The following TMEM130 variants were observed in gnomAD, a reference collection of about 807,000 sequenced individuals.
TMEM130 encodes transmembrane protein 130.
TMEM130 carries 37 observed loss-of-function variants against 42.9 expected under a neutral mutation model. The observed-to-expected ratio is 0.86, with a 90% CI of 0.66 to 1.13. The LOEUF is 1.13. Ranked by LOEUF, TMEM130 falls within the 50% of genes most tolerant of loss-of-function variation. TMEM130 has a pLI of 0.00. For synonymous variants in TMEM130, 259 were observed against 237.7 expected (o/e 1.09, Z -0.82); for missense variants, 545 against 562.6 (o/e 0.97, Z 0.32).
intron 5 of TMEM130, among the ~76,000 whole-genome samples, chr7:98,853,033 A>G (rs1034180505): frequency 6.6e-6 from 1 of 152,216 alleles, no homozygotes; most frequent in Non-Finnish European, 1.5e-5. Context: ...TTCCACAAGC[A>G]TAGGCTCAGA....
At chr7:98,861,159 C>G (rs1282814423) in intron 2 of TMEM130, among the ~76,000 whole-genome samples, 1 of 150,824 alleles carries the variant, frequency 6.6e-6, no homozygotes, top group Non-Finnish European at 1.5e-5. Context: ...ACAGTGAAAC[C>G]CTGTCTCTAT....
At chr7:98,850,526 A>G (rs1554398051) in intron 6 of TMEM130, among the ~76,000 whole-genome samples, 1 of 150,412 alleles carries the variant, frequency 6.6e-6, no homozygotes, top group Non-Finnish European at 1.5e-5. Flanking sequence ...TGATCCACCC[A>G]CCTCGGCCTC....
In TMEM130 at chr7:98,857,149, T is replaced by G. The variant is rs149714666; in HGVS notation, c.552-966A>C. 1.5e-3 allele frequency among the ~76,000 whole-genome samples: 228 copies of G among 152,278 alleles called. 1 individual carries two copies. Among genetic ancestry groups the G allele is most frequent in the African/African-American group, 5.3e-3 (219 of 41,558 alleles). ...GTTACCCACCCTAGTCTCGAATTCC[T>G]GGGCTCAAGCTTTCCCCACCCTCTT... On this transcript the variant is annotated intron_variant, in intron 3 of 7. Coordinates refer to ENST00000339375, the MANE Select transcript of TMEM130 (RefSeq NM_152913.3).
intron 5 of TMEM130, among the ~76,000 whole-genome samples, chr7:98,851,965 G>A (rs1449528162): frequency 1.3e-5 from 2 of 152,026 alleles, no homozygotes; most frequent in East Asian, 1.9e-4. Flanking sequence ...TGCATTTTAC[G>A]AGACAGGGAC....
intron 2 of TMEM130, among the ~76,000 whole-genome samples, chr7:98,860,858 G>T (rs935633487): frequency 6.8e-6 from 1 of 146,172 alleles, no homozygotes; most frequent in Non-Finnish European, 1.5e-5. Flanking sequence ...GAGGAGAATC[G>T]CTTGAACCTG....
At chr7:98,856,926 A>G (rs1199418010) in intron 3 of TMEM130, among the ~76,000 whole-genome samples, 1 of 141,310 alleles carries the variant, frequency 7.1e-6, no homozygotes, top group South Asian at 2.3e-4. Context: ...TTTATTTTTT[A>G]TTTTCCTTTT....
intron 5 of TMEM130, among the ~76,000 whole-genome samples, chr7:98,855,035 C>CAAAT (rs1216675231): frequency 1.1e-4 from 17 of 152,164 alleles, no homozygotes; most frequent in African/African-American, 3.1e-4. Context: ...GACTCCGTCT[C>CAAAT]AAATAAATAA....
Position 98,869,089 on chromosome 7 carries a change from C to T in TMEM130, c.85+688G>A. The T allele has an allele frequency of 1.0e-6, 1 of 986,508 alleles. No homozygotes were observed. Among genetic ancestry groups the T allele is most frequent in the Non-Finnish European group, 1.3e-6 (1 of 752,280 alleles). 61.1% of individuals were successfully genotyped at this position (986,508 alleles called of 1,614,324 possible). On this transcript the variant is annotated intron_variant, in intron 1 of 7. Coordinates refer to ENST00000339375, the MANE Select transcript of TMEM130 (RefSeq NM_152913.3). The surrounding 1 kb of genome is among the most constrained non-coding windows in gnomAD (Gnocchi z 4.7). ...CCCTCGAATAGTCTTAAATCTGGGT[C>T]CTTTTATGGTTCCCAAAATGTGGCA...
chr7:98,850,267 A>AT (rs1161479294), intron 6 of TMEM130, among the ~76,000 whole-genome samples: 3,749 of 28,284 alleles, frequency 0.13, 169 homozygotes, highest in South Asian at 0.22. Context: ...ATATATATAT[A>AT]TATATATTTT....
At chr7:98,861,061 A>G (rs554050640) in intron 2 of TMEM130, among the ~76,000 whole-genome samples, 2 of 149,792 alleles carry the variant, frequency 1.3e-5, no homozygotes, top group East Asian at 4.1e-4. Context: ...ATGACCAGGC[A>G]CGGTGGCTCA....
intron 4 of TMEM130, 28 bp downstream of exon 4, chr7:98,855,989 G>T: frequency 6.2e-7 from 1 of 1,607,810 alleles, no homozygotes. Flanking sequence ...GGAACGCCCA[G>T]ACTGCATCAG....
chr7:98,850,273 A>ATATATATATATTTTTTTTTTTTTTTT, intron 6 of TMEM130, among the ~76,000 whole-genome samples: 36 of 35,406 alleles, frequency 1.0e-3, no homozygotes, highest in East Asian at 2.3e-3. Context: ...ATATATATAT[A>ATATATATATATTTTTTTTTTTTTTTT]TTTTTTTTTT....
chr7:98,850,271 A>ATTTTTTTTTT (rs1290884464), intron 6 of TMEM130, among the ~76,000 whole-genome samples: 80 of 33,858 alleles, frequency 2.4e-3, no homozygotes, highest in African/African-American at 5.1e-3. Context: ...ATATATATAT[A>ATTTTTTTTTT]TATTTTTTTT....
intron 6 of TMEM130, among the ~76,000 whole-genome samples, chr7:98,850,273 A>ATATATATATATATATATTTTTTTTTTTTT: frequency 8.5e-5 from 3 of 35,474 alleles, no homozygotes; most frequent in Non-Finnish European, 1.9e-4. Context: ...ATATATATAT[A>ATATATATATATATATATTTTTTTTTTTTT]TTTTTTTTTT....
At chr7:98,853,678 G>A (rs915611886) in intron 5 of TMEM130, among the ~76,000 whole-genome samples, 1 of 152,138 alleles carries the variant, frequency 6.6e-6, no homozygotes, top group Non-Finnish European at 1.5e-5. Flanking sequence ...TGATGTCTGC[G>A]GCTCTATCCA....
Position 98,860,311 on chromosome 7 carries a change from G to A in TMEM130, c.419C>T (p.Thr140Ile). The change falls in exon 3 of 8, where the codon ACC (threonine) becomes ATC (isoleucine). Residue 140 changes from threonine (T) to isoleucine (I), a missense_variant. Coordinates refer to ENST00000339375, the MANE Select transcript of TMEM130 (RefSeq NM_152913.3). Reference sequence around the variant, plus strand: ...GGGCCAGGGTAGGGAAGTGTTCTGGGTGACAACAAGGTCCCCCACGAGGAA... The same window carrying A: ...GGGCCAGGGTAGGGAAGTGTTCTGGATGACAACAAGGTCCCCCACGAGGAA... ...TEFLVGDLVVTQNTSLPWPSS... is the reference protein window; with the variant it reads ...TEFLVGDLVVIQNTSLPWPSS... 6.2e-7 allele frequency: 1 copy of A among 1,602,724 alleles called. No homozygotes were observed. Among genetic ancestry groups the A allele is most frequent in the African/African-American group, 1.3e-5 (1 of 74,702 alleles).
rs1794628073 is a variant in TMEM130, at chr7:98,856,135, G to A, written c.600C>T (p.Ile200=). 1 of 1,613,924 alleles carries A rather than the reference G, an allele frequency of 6.2e-7. No homozygotes were observed. The highest frequency in any genetic ancestry group is 8.5e-7 in the Non-Finnish European group (1 of 1,180,040). Residue 200 remains isoleucine, a synonymous_variant, in exon 4 of 8, where the codon ATC becomes ATT. Transcript: ENST00000339375. ...EDSVVYYNYS[I]IGTFTVKLKV... is the part of the protein sequence containing the mutation. ...TGAGCTTCACGGTGAAGGTCCCGAT[G>A]ATGGAATAGTTATAATAGACCACGG...
At position 98,847,456 on chromosome 7, in the gene TMEM130, A is replaced by G. The variant is rs1455841003; in HGVS notation, c.*600T>C. The stretch of plus-strand genomic sequence containing the variant: ...ATCCCAGCAACCGACTTAACCAGAT[A>G]CAGAGCTGATCATCTGAAATGCCCA... On this transcript the variant is annotated 3_prime_UTR_variant, in exon 8 of 8. Coordinates refer to ENST00000339375, the MANE Select transcript of TMEM130 (RefSeq NM_152913.3). 6.6e-6 allele frequency: 1 copy of G among 152,146 alleles called. No individual in the cohort carries two copies. The highest frequency in any genetic ancestry group is 2.4e-5 in the African/African-American group (1 of 41,390). The allele number at this position is 152,146 out of a possible 1,614,324, so 9.4% of individuals were successfully genotyped here. A position where few individuals can be genotyped will look rare whatever the true frequency, so the allele number is the denominator to read the frequency against.
rs1204254575 is a variant in TMEM130 at position 98,869,664 on chromosome 7, G to A, written c.85+113C>T. 4 of 779,626 alleles carry A rather than the reference G, an allele frequency of 5.1e-6. No homozygotes were observed. The highest frequency in any genetic ancestry group is 7.2e-6 in the Non-Finnish European group (4 of 552,682). The allele number at this position is 779,626 out of a possible 1,614,324, so 48.3% of individuals were successfully genotyped here. A position where few individuals can be genotyped will look rare whatever the true frequency, so the allele number is the denominator to read the frequency against. On this transcript the variant is annotated intron_variant, in intron 1 of 7. Coordinates refer to ENST00000339375, the MANE Select transcript of TMEM130 (RefSeq NM_152913.3). The surrounding 1 kb of genome is among the most constrained non-coding windows in gnomAD (Gnocchi z 4.7). The stretch of plus-strand genomic sequence containing the variant: ...AGCCGAGGAGGGAGATGCGCGCAGG[G>A]CGCACGGTGCCACCTCCGCAATCCC...
Sources: gnomAD v4.1 joint callset for allele counts (sites outside exome capture counted in the v4.1 genomes callset) on GRCh38, gnomAD v4.1.1 for gene constraint, Gnocchi (gnomAD v3.1) non-coding constraint, MANE v1.5 for transcripts, NCBI Gene and HGNC (gene_info 2026-07-23, HGNC 2026-07-21) for gene names.